Variants in LRMDA observed in about 807,000 individuals in gnomAD.
The protein encoded by LRMDA is leucine-rich melanocyte differentiation-associated protein.
LRMDA carries 18 observed loss-of-function variants against 29.8 expected under a neutral mutation model. The ratio of observed to expected loss-of-function variants is 0.60; its 90% CI spans 0.42 to 0.90. LRMDA has a LOEUF of 0.90. Ranked by LOEUF, LRMDA falls within the 40% of genes least tolerant of loss-of-function variation. LRMDA has a pLI of 0.00. For synonymous variants in LRMDA, 125 were observed against 109.4 expected (o/e 1.14, Z -0.89); for missense variants, 273 against 273.9 (o/e 1.00, Z 0.02).
At chr10:76,433,988 CT>C (rs869262172) in intron 6 of LRMDA, among the ~76,000 whole-genome samples, 2 of 152,286 alleles carry the variant, frequency 1.3e-5, no homozygotes, top group East Asian at 3.9e-4. Flanking sequence ...GACGCTTAGG[CT>C]TCTTCTTATC....
At position 75,868,777 on chromosome 10, in the gene LRMDA, CCTCT is replaced by C. The variant is rs144888884; in HGVS notation, c.132-167223_132-167220del. Among the ~76,000 whole-genome samples the C allele has an allele frequency of 4.6e-3, 703 of 152,156 alleles. 10 individuals carry two copies. The highest frequency in any genetic ancestry group is 0.016 in the African/African-American group (674 of 41,514). On this transcript the variant is annotated intron_variant, in intron 2 of 6. Transcript: ENST00000611255. ...CCCACTGCTCAGAAAGCCCCGCCCTCCTCTCTCTCTCCATCCTGGCTCACCTTCA... is the reference window on the plus strand; with the variant it reads ...CCCACTGCTCAGAAAGCCCCGCCCTCCTCTCTCCATCCTGGCTCACCTTCA...
intron 2 of LRMDA, among the ~76,000 whole-genome samples, chr10:75,511,030 G>GCCTC (rs2132031963): frequency 6.6e-6 from 1 of 152,266 alleles, no homozygotes; most frequent in East Asian, 1.9e-4. Flanking sequence ...TTTGGGAAGA[G>GCCTC]CCTCACCTTT....
At chr10:75,835,855 T>C (rs1483855900) in intron 2 of LRMDA, among the ~76,000 whole-genome samples, 1 of 152,138 alleles carries the variant, frequency 6.6e-6, no homozygotes, top group East Asian at 1.9e-4. Flanking sequence ...GCTGAACAGT[T>C]TAGAGTGAAT....
intron 5 of LRMDA, among the ~76,000 whole-genome samples, chr10:76,236,365 A>G (rs1852152185): frequency 6.6e-6 from 1 of 152,184 alleles, no homozygotes; most frequent in Non-Finnish European, 1.5e-5. Context: ...TTTAAGATAG[A>G]TAGGATCTCT....
chr10:75,719,589 C>A (rs1842541572), intron 2 of LRMDA, among the ~76,000 whole-genome samples: 1 of 152,070 alleles, frequency 6.6e-6, no homozygotes, highest in Non-Finnish European at 1.5e-5. Flanking sequence ...TAGAGTTGGT[C>A]ATGTGTTATT....
intron 6 of LRMDA, among the ~76,000 whole-genome samples, chr10:76,492,169 G>A (rs1345683605): frequency 6.6e-6 from 1 of 152,046 alleles, no homozygotes; most frequent in East Asian, 1.9e-4. Flanking sequence ...AGGTCACATA[G>A]CTCTGTTTCT....
intron 5 of LRMDA, among the ~76,000 whole-genome samples, chr10:76,269,194 G>A (rs533795522): frequency 1.3e-5 from 2 of 152,164 alleles, no homozygotes; most frequent in East Asian, 3.9e-4. Flanking sequence ...ACTGTGATGT[G>A]CTGCAGGTTA....
chr10:75,710,882 G>A (rs1842427542), intron 2 of LRMDA, among the ~76,000 whole-genome samples: 1 of 152,234 alleles, frequency 6.6e-6, no homozygotes, highest in Admixed American at 6.5e-5. Flanking sequence ...CGCTGTGATT[G>A]ATTTCTGAAC....
intron 2 of LRMDA, among the ~76,000 whole-genome samples, chr10:75,500,709 A>G (rs1845102491): frequency 6.6e-6 from 1 of 152,150 alleles, no homozygotes; most frequent in Non-Finnish European, 1.5e-5. Context: ...CACGTTTTAC[A>G]TGGTGGCAGG....
At chr10:75,526,225 C>T (rs1845411326) in intron 2 of LRMDA, among the ~76,000 whole-genome samples, 2 of 151,836 alleles carry the variant, frequency 1.3e-5, no homozygotes, top group African/African-American at 4.8e-5. Context: ...ACCACCACAC[C>T]CAGCTAATTT....
intron 6 of LRMDA, among the ~76,000 whole-genome samples, chr10:76,517,877 C>T (rs1308752732): frequency 1.3e-5 from 2 of 149,650 alleles, no homozygotes; most frequent in African/African-American, 4.9e-5. Flanking sequence ...TCACGAATCA[C>T]CGCCAAAAAA....
chr10:76,438,339 C>G (rs184927991), intron 6 of LRMDA, among the ~76,000 whole-genome samples: 1 of 152,280 alleles, frequency 6.6e-6, no homozygotes, highest in East Asian at 1.9e-4. Flanking sequence ...GCCTCAAACA[C>G]TGGGCTTTGG....
chr10:76,109,481 G>A (rs1007833191), intron 5 of LRMDA, among the ~76,000 whole-genome samples: 2 of 152,178 alleles, frequency 1.3e-5, no homozygotes, highest in East Asian at 1.9e-4. Flanking sequence ...CATAGTCAGT[G>A]CTCCCTTACA....
At chr10:75,735,941 A>G (rs993337493) in intron 2 of LRMDA, among the ~76,000 whole-genome samples, 1 of 152,142 alleles carries the variant, frequency 6.6e-6, no homozygotes, top group South Asian at 2.1e-4. Context: ...CACTTTAATT[A>G]TGAACTTTTT....
chr10:75,902,555 GT>G (rs1439978386), intron 2 of LRMDA, among the ~76,000 whole-genome samples: 1 of 152,018 alleles, frequency 6.6e-6, no homozygotes, highest in African/African-American at 2.4e-5. Flanking sequence ...GTTTTTGTTT[GT>G]TTATTCATTC....
At chr10:75,646,942 A>G (rs1841529307) in intron 2 of LRMDA, among the ~76,000 whole-genome samples, 1 of 152,204 alleles carries the variant, frequency 6.6e-6, no homozygotes, top group Non-Finnish European at 1.5e-5. Context: ...CTGATAATGG[A>G]CACATTTTTT....
intron 5 of LRMDA, among the ~76,000 whole-genome samples, chr10:76,202,773 G>A (rs1339251508): frequency 6.6e-6 from 1 of 151,948 alleles, no homozygotes; most frequent in Non-Finnish European, 1.5e-5. Flanking sequence ...GGAGGAAGGA[G>A]CGGACACTAG....
At chr10:76,283,194 C>T (rs1423028808) in intron 5 of LRMDA, among the ~76,000 whole-genome samples, 1 of 152,184 alleles carries the variant, frequency 6.6e-6, no homozygotes, top group Non-Finnish European at 1.5e-5. Context: ...GTTTATTTAA[C>T]CAGTTTATTG....
chr10:76,410,866 A>T (rs1461513320), intron 6 of LRMDA, among the ~76,000 whole-genome samples: 1 of 152,076 alleles, frequency 6.6e-6, no homozygotes, highest in Non-Finnish European at 1.5e-5. Context: ...TAATTGCTTG[A>T]ACCCTGGAGG....
Sources: allele counts gnomAD v4.1 joint callset (sites outside exome capture counted in the v4.1 genomes callset), GRCh38; gene constraint gnomAD v4.1.1; transcripts MANE v1.5; gene names NCBI Gene and HGNC (gene_info 2026-07-23, HGNC 2026-07-21).